SLC24A3: variants seen among roughly 807,000 people sequenced by gnomAD.
The protein encoded by SLC24A3 is solute carrier family 24 member 3, also known as sodium/potassium/calcium exchanger 3.
In SLC24A3, 28 loss-of-function variants were observed where a neutral mutation model predicts 75.8. The observed-to-expected ratio is 0.37, with a 90% CI of 0.27 to 0.51. SLC24A3 has a LOEUF of 0.51. Among genes scored for constraint, SLC24A3 ranks in the 20% least tolerant of loss-of-function variants. The probability of loss-of-function intolerance (pLI) is 0.94; values close to 1 mark genes in which losing one functional copy is unlikely to be tolerated. For synonymous variants in SLC24A3, 372 were observed against 334.1 expected (o/e 1.11, Z -1.24); for missense variants, 663 against 847.8 (o/e 0.78, Z 2.71).
chr20:19,501,588 T>G (rs970798926), intron 2 of SLC24A3, among the ~76,000 whole-genome samples: 2 of 152,248 alleles, frequency 1.3e-5, no homozygotes, highest in Non-Finnish European at 2.9e-5. Context: ...TGGCTGTAAC[T>G]GGTTTCCAAT....
intron 1 of SLC24A3, among the ~76,000 whole-genome samples, chr20:19,267,195 A>C (rs947302760): frequency 6.6e-6 from 1 of 152,188 alleles, no homozygotes; most frequent in African/African-American, 2.4e-5. Context: ...ACCATTTTGA[A>C]AATATTAGTT....
At chr20:19,410,645 T>G (rs1000471960) in intron 2 of SLC24A3, among the ~76,000 whole-genome samples, 1 of 152,182 alleles carries the variant, frequency 6.6e-6, no homozygotes, top group South Asian at 2.1e-4. Flanking sequence ...AAACCACATC[T>G]AATTTTGGTT....
rs557351076 is a variant in SLC24A3 at position 19,522,965 on chromosome 20, T to C, written c.348+7401T>C. Among the ~76,000 whole-genome samples, 3 of 152,282 alleles carry C rather than the reference T, an allele frequency of 2.0e-5. No individual in the cohort carries two copies. The East Asian group carries it at 5.8e-4, about 29-fold the overall frequency. ...CTTTTACCAATTTTGAAATACATAT[T>C]ATTATTAACTATAAAAAAGGAAAGG... On this transcript the variant is annotated intron_variant, in intron 3 of 16. Transcript: ENST00000328041.
At chr20:19,517,141 C>T (rs2030009744) in intron 3 of SLC24A3, among the ~76,000 whole-genome samples, 1 of 152,202 alleles carries the variant, frequency 6.6e-6, no homozygotes, top group Non-Finnish European at 1.5e-5. Flanking sequence ...GTTGTGTGCA[C>T]TGAGCCATTA....
At chr20:19,460,037 A>G (rs558595175) in intron 2 of SLC24A3, among the ~76,000 whole-genome samples, 46 of 152,264 alleles carry the variant, frequency 3.0e-4, no homozygotes, top group South Asian at 1.2e-3. Context: ...GGAAAGCAAG[A>G]TAGAAAAGAA....
chr20:19,376,927 C>A (rs1986093661), intron 2 of SLC24A3, among the ~76,000 whole-genome samples: 1 of 152,150 alleles, frequency 6.6e-6, no homozygotes. Flanking sequence ...CAGGTGCAGG[C>A]ATTGAAAAAT....
At chr20:19,515,347 G>A (rs6112435) in intron 2 of SLC24A3, 141 bp from the exon 3 acceptor site, 9,405 of 778,352 alleles carry the variant, frequency 0.012, 163 homozygotes, top group African/African-American at 0.066. Flanking sequence ...CTAAATTCTG[G>A]TTAGTTTTGT....
intron 1 of SLC24A3, among the ~76,000 whole-genome samples, chr20:19,247,250 A>G (rs1312387854): frequency 6.6e-6 from 1 of 152,190 alleles, no homozygotes; most frequent in Admixed American, 6.5e-5. Flanking sequence ...CTGGTGAGTG[A>G]GCCTTCCATT....
intron 2 of SLC24A3, among the ~76,000 whole-genome samples, chr20:19,331,929 G>A (rs143576329): frequency 3.8e-4 from 58 of 152,314 alleles, no homozygotes; most frequent in African/African-American, 1.1e-3. Flanking sequence ...TTGATTGAGG[G>A]AAGGAGTCAT....
At chr20:19,344,972 A>C (rs1259731324) in intron 2 of SLC24A3, among the ~76,000 whole-genome samples, 1 of 152,252 alleles carries the variant, frequency 6.6e-6, no homozygotes, top group African/African-American at 2.4e-5. Context: ...TCATACTGGA[A>C]GCCCTAGACA....
intron 6 of SLC24A3, among the ~76,000 whole-genome samples, chr20:19,650,765 T>A (rs2032193287): frequency 6.6e-6 from 1 of 152,184 alleles, no homozygotes. Flanking sequence ...TACACAATGG[T>A]TCATCTTCTT....
intron 3 of SLC24A3, among the ~76,000 whole-genome samples, chr20:19,537,368 C>T (rs2030417833): frequency 6.6e-6 from 1 of 152,122 alleles, no homozygotes; most frequent in Admixed American, 6.5e-5. Context: ...ATTCAAAAGT[C>T]AGGAAACAAC....
intron 6 of SLC24A3, among the ~76,000 whole-genome samples, chr20:19,604,973 C>T (rs981535540): frequency 4.6e-5 from 7 of 152,198 alleles, no homozygotes; most frequent in Non-Finnish European, 1.0e-4. Flanking sequence ...TTTTGATTAA[C>T]GGATCCCAGG....
intron 2 of SLC24A3, among the ~76,000 whole-genome samples, chr20:19,457,533 C>T (rs557700534): frequency 7.9e-5 from 12 of 151,844 alleles, no homozygotes; most frequent in Non-Finnish European, 1.6e-4. Flanking sequence ...ATGACAAAGT[C>T]AACACTGCTT....
chr20:19,465,992 TC>T (rs1438827909), intron 2 of SLC24A3, among the ~76,000 whole-genome samples: 2 of 152,218 alleles, frequency 1.3e-5, no homozygotes, highest in African/African-American at 4.8e-5. Context: ...GTAGTCATTC[TC>T]CTTGTCTCCC....
At chr20:19,492,842 T>A (rs911269956) in intron 2 of SLC24A3, among the ~76,000 whole-genome samples, 3 of 152,226 alleles carry the variant, frequency 2.0e-5, no homozygotes, top group Non-Finnish European at 4.4e-5. Flanking sequence ...TGTCCTCATC[T>A]ACACATCCCT....
intron 6 of SLC24A3, among the ~76,000 whole-genome samples, chr20:19,623,412 G>A (rs889088026): frequency 6.6e-6 from 1 of 152,178 alleles, no homozygotes; most frequent in African/African-American, 2.4e-5. Flanking sequence ...CATCAAGGCT[G>A]TGGCTAGTTT....
chr20:19,426,082 A>G (rs1471225697), intron 2 of SLC24A3, among the ~76,000 whole-genome samples: 4 of 152,188 alleles, frequency 2.6e-5, no homozygotes, highest in Non-Finnish European at 5.9e-5. Context: ...TAGGCCCTTC[A>G]AGTGGAAAGT....
At chr20:19,443,896 G>T (rs2122472060) in intron 2 of SLC24A3, among the ~76,000 whole-genome samples, 1 of 152,200 alleles carries the variant, frequency 6.6e-6, no homozygotes, top group South Asian at 2.1e-4. Flanking sequence ...ATAAGGCCCA[G>T]CCCATAATGT....
Sources: allele counts gnomAD v4.1 joint callset (sites outside exome capture counted in the v4.1 genomes callset), GRCh38; gene constraint gnomAD v4.1.1; transcripts MANE v1.5; gene names NCBI Gene and HGNC (gene_info 2026-07-23, HGNC 2026-07-21).